Variants in BMPR1A observed in about 807,000 individuals in gnomAD.
The protein encoded by BMPR1A is bone morphogenetic protein receptor type 1A.
A neutral mutation model predicts 66.0 loss-of-function variants in BMPR1A; 7 were observed. The ratio of observed to expected loss-of-function variants is 0.11; its 90% CI spans 0.06 to 0.20. The LOEUF (loss-of-function observed/expected upper bound fraction) is 0.20, where lower values mean the gene tolerates loss of function less well. Ranked by LOEUF, BMPR1A falls within the 10% of genes least tolerant of loss-of-function variation. The pLI is 1.00. For synonymous variants in BMPR1A, 200 were observed against 229.7 expected, an observed-to-expected ratio of 0.87 and a Z score of 1.17; for missense variants, 408 against 669.1, an observed-to-expected ratio of 0.61 and a Z score of 4.31.
chr10:86,782,548 T>A (rs1237948038), intron 1 of BMPR1A, among the ~76,000 whole-genome samples: 3 of 152,300 alleles, frequency 2.0e-5, no homozygotes, highest in Non-Finnish European at 1.5e-5. Flanking sequence ...TTTTAACTGG[T>A]GTGAGGTGAT....
chr10:86,857,602 C>T (rs1842658591), intron 2 of BMPR1A, among the ~76,000 whole-genome samples: 1 of 152,074 alleles, frequency 6.6e-6, no homozygotes, highest in Non-Finnish European at 1.5e-5. Flanking sequence ...CTACAGTCAT[C>T]TGAAAGCCTG....
At chr10:86,759,880 A>G (rs1010894343) in intron 1 of BMPR1A, among the ~76,000 whole-genome samples, 4 of 152,114 alleles carry the variant, frequency 2.6e-5, no homozygotes, top group African/African-American at 7.2e-5. Context: ...TCTGATTCTC[A>G]TATGAATTTT....
chr10:86,848,944 T>C (rs1842527158), intron 2 of BMPR1A, among the ~76,000 whole-genome samples: 1 of 152,194 alleles, frequency 6.6e-6, no homozygotes, highest in African/African-American at 2.4e-5. Flanking sequence ...GCCTCTTGGT[T>C]GGGATGGTTA....
chr10:86,804,832 ATTTG>A (rs1841867483), intron 1 of BMPR1A, among the ~76,000 whole-genome samples: 1 of 30,206 alleles, frequency 3.3e-5, no homozygotes, highest in South Asian at 1.0e-3. Context: ...TAATTATTTT[ATTTG>A]TTTGTGTGGG....
At chr10:86,785,486 G>C (rs1841502072) in intron 1 of BMPR1A, among the ~76,000 whole-genome samples, 1 of 152,142 alleles carries the variant, frequency 6.6e-6, no homozygotes, top group African/African-American at 2.4e-5. Context: ...TGTATTTTTA[G>C]TAGAGACAGG....
chr10:86,801,740 G>A (rs1325209904), intron 1 of BMPR1A, among the ~76,000 whole-genome samples: 2 of 151,870 alleles, frequency 1.3e-5, no homozygotes, highest in Non-Finnish European at 2.9e-5. Context: ...GTGAGACGGA[G>A]TCTTGCTCTG....
intron 1 of BMPR1A, among the ~76,000 whole-genome samples, chr10:86,768,825 G>A (rs1410112493): frequency 6.6e-6 from 1 of 152,176 alleles, no homozygotes; most frequent in Non-Finnish European, 1.5e-5. Context: ...ATTACTCTAA[G>A]CCTTCTTTTC....
At chr10:86,921,935 T>C (rs1036923939) in intron 11 of BMPR1A, among the ~76,000 whole-genome samples, 1 of 152,220 alleles carries the variant, frequency 6.6e-6, no homozygotes, top group Non-Finnish European at 1.5e-5. Flanking sequence ...ACTCCTTGAG[T>C]TATTTTTAAG....
chr10:86,903,236 A>G (rs1432672895), intron 7 of BMPR1A, among the ~76,000 whole-genome samples: 1 of 152,244 alleles, frequency 6.6e-6, no homozygotes, highest in Non-Finnish European at 1.5e-5. Context: ...AATCAAAACC[A>G]CTGACCCAGA....
chr10:86,909,988 G>GA (rs1380892168), intron 7 of BMPR1A, among the ~76,000 whole-genome samples: 1 of 152,090 alleles, frequency 6.6e-6, no homozygotes, highest in African/African-American at 2.4e-5. Flanking sequence ...AGATATGGTA[G>GA]AAAATTGTAT....
intron 2 of BMPR1A, among the ~76,000 whole-genome samples, chr10:86,840,588 C>T (rs1054030303): frequency 5.9e-5 from 9 of 152,106 alleles, no homozygotes; most frequent in Non-Finnish European, 1.3e-4. Context: ...AATGATCTCT[C>T]TCAACTTCCT....
At position 86,863,370 on chromosome 10, in the gene BMPR1A, T is replaced by C. The variant is rs554023280; in HGVS notation, c.-152-12497T>C. On this transcript the variant is annotated intron_variant, in intron 2 of 12. Coordinates refer to ENST00000372037, the MANE Select transcript of BMPR1A (RefSeq NM_004329.3). ...CTGGTAAGACATTTATTTGCCTTTA[T>C]TCAGAATTGCTAATTTTATGCTAAT... Among the ~76,000 whole-genome samples, 19 of 152,344 alleles carry C rather than the reference T, an allele frequency of 1.2e-4. No individual in the cohort carries two copies. In the East Asian group the frequency reaches 1.7e-3, roughly 14 times the overall value.
intron 2 of BMPR1A, among the ~76,000 whole-genome samples, chr10:86,867,579 A>G (rs914887295): frequency 2.0e-5 from 3 of 152,210 alleles, no homozygotes; most frequent in African/African-American, 7.2e-5. Context: ...AGTACAATCT[A>G]GTTGTAATTG....
At chr10:86,860,568 G>A (rs80273062) in intron 2 of BMPR1A, among the ~76,000 whole-genome samples, 19,033 of 151,774 alleles carry the variant, frequency 0.13, 1,526 homozygotes, top group African/African-American at 0.21. Flanking sequence ...TCAAGAGTTC[G>A]AGACCATCCT....
intron 3 of BMPR1A, among the ~76,000 whole-genome samples, chr10:86,876,306 C>T (rs1842921194): frequency 6.6e-6 from 1 of 152,150 alleles, no homozygotes; most frequent in South Asian, 2.1e-4. Flanking sequence ...AGTCTGTCTT[C>T]TCCTTCACAA....
chr10:86,898,026 G>A (rs1034346989), intron 5 of BMPR1A, among the ~76,000 whole-genome samples: 1 of 151,982 alleles, frequency 6.6e-6, no homozygotes, highest in East Asian at 1.9e-4. Context: ...CAAAACCCTT[G>A]TATTTTCTGT....
downstream of BMPR1A, chr10:86,932,808 C>T (rs1363545599): frequency 6.6e-6 from 1 of 152,220 alleles, no homozygotes; most frequent in Admixed American, 6.5e-5. Flanking sequence ...CTTCACACTG[C>T]TTCTGAAATA....
At chr10:86,784,707 T>C (rs938067887) in intron 1 of BMPR1A, among the ~76,000 whole-genome samples, 26 of 152,282 alleles carry the variant, frequency 1.7e-4, no homozygotes, top group African/African-American at 6.0e-4. Context: ...TTGTTAAGAT[T>C]TTCTGTTTCT....
At chr10:86,795,788 A>G (rs1208094471) in intron 1 of BMPR1A, among the ~76,000 whole-genome samples, 1 of 152,150 alleles carries the variant, frequency 6.6e-6, no homozygotes, top group East Asian at 1.9e-4. Flanking sequence ...AAGTAATCCA[A>G]ATAGTTATTT....
Sources: gnomAD v4.1 joint callset for allele counts (sites outside exome capture counted in the v4.1 genomes callset) on GRCh38, gnomAD v4.1.1 for gene constraint, MANE v1.5 for transcripts, NCBI Gene and HGNC (gene_info 2026-07-23, HGNC 2026-07-21) for gene names.